The following RTL1 variants were observed in gnomAD, a reference collection of about 807,000 sequenced individuals.
RTL1 encodes retrotransposon Gag like 1.
For missense variants in RTL1, 1,681 were observed against 1,767.5 expected (o/e 0.95, Z 0.88); for synonymous variants, 727 against 748.4 (o/e 0.97, Z 0.47).
chr14:100,883,894 G>C lies in RTL1; in HGVS notation c.895C>G (p.Arg299Gly). 6.4e-7 allele frequency: 1 copy of C among 1,551,530 alleles called. No homozygotes were observed. The highest frequency in any genetic ancestry group is 1.2e-5 in the South Asian group (1 of 84,054). ...EAMFTIRQGG[R>G]SATEYIDEFQ... ...TCATCGATGTACTCAGTGGCAGAGC[G>C]GCCGCCCTGCCTGATGGTGAACATG... The change falls in exon 4 of 4, where the codon CGC becomes GGC. Residue 299 changes from arginine (R) to glycine (G), a missense_variant. Physicochemically the swap from Arg to Gly is moderately radical, Grantham distance 125. Coordinates refer to ENST00000649591, the MANE Select transcript of RTL1 (RefSeq NM_001134888.3). This position sits in a 1 kb window ranked among gnomAD's most constrained non-coding sequence, Gnocchi z 5.9.
At chr14:100,892,265 G>A (rs1253420008) in intron 3 of RTL1, among the ~76,000 whole-genome samples, 1 of 152,202 alleles carries the variant, frequency 6.6e-6, no homozygotes, top group East Asian at 1.9e-4. Flanking sequence ...GGAAGGTGAA[G>A]ACTTTGAGGC....
Position 100,883,907 on chromosome 14 carries a change from G to T in RTL1, c.882C>A (p.Ile294=). 1 of 1,551,624 alleles carries T rather than the reference G, an allele frequency of 6.4e-7. No individual in the cohort carries two copies. The change falls in exon 4 of 4, where the codon ATC becomes ATA. Residue 294 remains isoleucine (I), a synonymous_variant. Transcript: ENST00000649591. This position sits in a 1 kb window ranked among gnomAD's most constrained non-coding sequence, Gnocchi z 5.9. The part of the protein sequence containing the change: ...LRVAEEAMFT[I]RQGGRSATEY... ...CAGTGGCAGAGCGGCCGCCCTGCCT[G>T]ATGGTGAACATGGCCTCTTCTGCCA...
rs1170063388 is a variant in RTL1, at chr14:100,879,877, A to C, written c.*835T>G. ...GGCCAGAGCCTCTCTGTGACTCGGC[A>C]TGGTCCCCTGGGTGTCTGTGTGCCT... is the stretch of plus-strand genomic sequence containing the variant. On this transcript the variant is annotated 3_prime_UTR_variant, in exon 4 of 4. Transcript: ENST00000649591. 6.6e-6 allele frequency among the ~76,000 whole-genome samples: 1 copy of C among 151,806 alleles called. No individual in the cohort carries two copies. The highest frequency in any genetic ancestry group is 1.5e-5 in the Non-Finnish European group (1 of 67,982).
intron 2 of RTL1, among the ~76,000 whole-genome samples, chr14:100,896,012 G>A (rs2038850259): frequency 6.6e-6 from 1 of 150,886 alleles, no homozygotes; most frequent in Non-Finnish European, 1.5e-5. Flanking sequence ...GGCAGAAGTT[G>A]CAGTTAGCCG....
In RTL1 at chr14:100,881,321, G is replaced by A. The variant is rs1478374980; in HGVS notation, c.3468C>T (p.Asn1156=). 3.2e-6 allele frequency: 5 copies of A among 1,550,512 alleles called. No individual in the cohort carries two copies. The highest frequency in any genetic ancestry group is 4.4e-6 in the Non-Finnish European group (5 of 1,147,006). The change falls in exon 4 of 4, where the codon AAC becomes AAT. Residue 1156 remains asparagine (N), a synonymous_variant. Coordinates refer to ENST00000649591, the MANE Select transcript of RTL1 (RefSeq NM_001134888.3). This position sits in a 1 kb window ranked among gnomAD's most constrained non-coding sequence, Gnocchi z 6.6. ...CAGCCAGCTCCTGGGCTGGGATGGT[G>A]TTTGCACCTACGAGAGCGGGCATCT... ...LTQMPALVGA[N]TIPAQELAEL... is the part of the protein sequence containing the mutation.
intron 3 of RTL1, among the ~76,000 whole-genome samples, chr14:100,890,958 T>C (rs1324011499): frequency 6.6e-6 from 1 of 152,198 alleles, no homozygotes; most frequent in Non-Finnish European, 1.5e-5. Context: ...AAGGTTAAGA[T>C]GTGTCCATGG....
intron 2 of RTL1, chr14:100,897,523 T>A (rs2038875253): frequency 1.3e-5 from 2 of 152,216 alleles, no homozygotes; most frequent in African/African-American, 4.8e-5. Flanking sequence ...TAGATAAATA[T>A]ACCTCTAAAA....
intron 3 of RTL1, among the ~76,000 whole-genome samples, chr14:100,892,929 G>A (rs1047966166): frequency 3.3e-5 from 5 of 152,114 alleles, no homozygotes; most frequent in Non-Finnish European, 7.4e-5. Context: ...ACTGGGATTC[G>A]GAGGGCGAGG....
intron 3 of RTL1, among the ~76,000 whole-genome samples, chr14:100,886,999 T>G (rs2038705130): frequency 6.6e-6 from 1 of 152,238 alleles, no homozygotes; most frequent in African/African-American, 2.4e-5. Context: ...AGAAAAATCT[T>G]AATACTTCTT....
intron 2 of RTL1, among the ~76,000 whole-genome samples, chr14:100,895,962 A>G (rs749883362): frequency 6.6e-6 from 1 of 151,898 alleles, no homozygotes; most frequent in Admixed American, 6.6e-5. Context: ...AGTTCCAGCT[A>G]CTCAGGAGAC....
intron 3 of RTL1, among the ~76,000 whole-genome samples, chr14:100,891,922 G>A (rs759365049): frequency 1.5e-4 from 23 of 152,130 alleles, no homozygotes; most frequent in African/African-American, 4.1e-4. Context: ...AGGTGCCTGC[G>A]GGGGTCCCTG....
chr14:100,893,852 G>A lies in RTL1; in HGVS notation c.-148-347C>T, dbSNP rs559195487. On this transcript the variant is annotated intron_variant, in intron 2 of 3. Transcript: ENST00000649591. The surrounding 1 kb of genome is among the most constrained non-coding windows in gnomAD (Gnocchi z 4.2). Reference sequence around the variant, plus strand: ...CACCCACCCTCACACCCGGGCCCACGCTCACTTTAATAACCCGGACTGGGC... The same window carrying A: ...CACCCACCCTCACACCCGGGCCCACACTCACTTTAATAACCCGGACTGGGC... Among the ~76,000 whole-genome samples, 26 of 152,282 alleles carry A rather than the reference G, an allele frequency of 1.7e-4. No homozygotes were observed. In the Middle Eastern group the frequency reaches 0.01, roughly 60 times the overall value.
chr14:100,890,488 CA>C (rs1407091178), intron 3 of RTL1, among the ~76,000 whole-genome samples: 1 of 104,150 alleles, frequency 9.6e-6, no homozygotes, highest in Admixed American at 1.1e-4. Context: ...GAGGTGAGGA[CA>C]GGGGAGGAGG....
chr14:100,902,154 G>A (rs116966304), intron 2 of RTL1, among the ~76,000 whole-genome samples: 2,140 of 152,282 alleles, frequency 0.014, 18 homozygotes, highest in Middle Eastern at 0.065. Context: ...CTCAGGGCTC[G>A]CACGCAGAGC....
At chr14:100,890,832 G>A (rs939635027) in intron 3 of RTL1, among the ~76,000 whole-genome samples, 31 of 152,172 alleles carry the variant, frequency 2.0e-4, no homozygotes, top group Non-Finnish European at 2.4e-4. Context: ...GGCCTGCTGT[G>A]GCCTCCTGTG....
In RTL1 at chr14:100,884,682, G is replaced by A. The variant is rs558479909; in HGVS notation, c.107C>T (p.Thr36Met). ...CTCTCCCCGCACTCCACTGCCCGAC[G>A]TCGCCTCGGTGGTGTTGGATGAGCC... ...SEGSSNTTEATSGSGVRGEAG... is the reference protein window; with the variant it reads ...SEGSSNTTEAMSGSGVRGEAG... Residue 36 changes from threonine to methionine, a missense_variant, in exon 4 of 4, where the codon ACG becomes ATG. Thr to Met is a moderately conservative substitution (Grantham distance 81). Transcript: ENST00000649591. The A allele has an allele frequency of 5.6e-6, 9 of 1,613,582 alleles. No homozygotes were observed. Among genetic ancestry groups the A allele is most frequent in the African/African-American group, 2.7e-5 (2 of 74,936 alleles).
chr14:100,894,493 G>A (rs145452527), intron 2 of RTL1, among the ~76,000 whole-genome samples: 4,424 of 152,184 alleles, frequency 0.029, 94 homozygotes, highest in Middle Eastern at 0.11. Flanking sequence ...CATCCCTTCC[G>A]CCCTGGGTCC....
rs909101836 is a variant in RTL1 at position 100,888,092 on chromosome 14, G to T, written c.-86-3218C>A. 3.9e-5 allele frequency among the ~76,000 whole-genome samples: 6 copies of T among 152,146 alleles called. 1 individual carries two copies. The South Asian group carries it at 8.3e-4, about 21-fold the overall frequency. ...CCCTCATCAATTTACTTCTTAAAAC[G>T]CTTTACTGGCTGACATCCGAACGCC... On this transcript the variant is annotated intron_variant, in intron 3 of 3. Transcript: ENST00000649591.
intron 2 of RTL1, among the ~76,000 whole-genome samples, chr14:100,895,501 T>C (rs1393295791): frequency 6.6e-6 from 1 of 152,172 alleles, no homozygotes; most frequent in Admixed American, 6.5e-5. Context: ...AAGGCACTTA[T>C]TTTAGGTGGA....
Sources: allele counts gnomAD v4.1 joint callset (sites outside exome capture counted in the v4.1 genomes callset), GRCh38; gene constraint gnomAD v4.1.1; non-coding constraint Gnocchi (gnomAD v3.1); transcripts MANE v1.5; gene names NCBI Gene and HGNC (gene_info 2026-07-23, HGNC 2026-07-21).